Variants in SBNO1 observed in about 807,000 individuals in gnomAD.
The protein encoded by SBNO1 is strawberry notch homolog 1.
A neutral mutation model predicts 173.6 loss-of-function variants in SBNO1; 23 were observed. The ratio of observed to expected loss-of-function variants is 0.13; its 90% CI spans 0.10 to 0.19. The LOEUF (loss-of-function observed/expected upper bound fraction) is 0.19, where lower values mean the gene tolerates loss of function less well. SBNO1 is among the 10% of genes least tolerant of loss of function. The pLI is 1.00. For synonymous variants in SBNO1, 632 were observed against 571.5 expected (o/e 1.11, Z -1.51); for missense variants, 1,238 against 1,671.2 (o/e 0.74, Z 4.52).
Position 123,290,860 on chromosome 12 carries a change from C to T in SBNO1, c.*5048G>A, listed in dbSNP as rs1275422746. ...TCATGCCATTCTCCTGCCTCAGCCT[C>T]CTGAGTAGCTGGGACTACAGGCACC... On this transcript the variant is annotated 3_prime_UTR_variant, in exon 32 of 32. Coordinates refer to ENST00000602398, the MANE Select transcript of SBNO1 (RefSeq NM_001167856.3). 6.6e-6 allele frequency: 1 copy of T among 152,058 alleles called. No homozygotes were observed. Among genetic ancestry groups the T allele is most frequent in the Non-Finnish European group, 1.5e-5 (1 of 68,068 alleles). 9.4% of individuals were successfully genotyped at this position (152,058 alleles called of 1,614,324 possible).
intron 31 of SBNO1, among the ~76,000 whole-genome samples, chr12:123,296,757 C>T (rs908124958): frequency 6.6e-6 from 1 of 151,884 alleles, no homozygotes; most frequent in Non-Finnish European, 1.5e-5. Context: ...GACAGGGTTT[C>T]ACGATGTTGG....
intron 4 of SBNO1, among the ~76,000 whole-genome samples, chr12:123,344,377 C>T (rs929988227): frequency 1.1e-4 from 16 of 152,216 alleles, no homozygotes; most frequent in Middle Eastern, 3.4e-3. Context: ...AACCAAAAAA[C>T]GAAAACCAAA....
At chr12:123,359,012 A>G (rs1358912385) in intron 1 of SBNO1, among the ~76,000 whole-genome samples, 1 of 151,552 alleles carries the variant, frequency 6.6e-6, no homozygotes, top group Non-Finnish European at 1.5e-5. Context: ...GGCTCACTGG[A>G]AGCTCTGCCT....
chr12:123,322,501 T>C (rs1399335457), intron 16 of SBNO1, among the ~76,000 whole-genome samples: 2 of 152,036 alleles, frequency 1.3e-5, no homozygotes, highest in African/African-American at 2.4e-5. Flanking sequence ...TTTCGCCATG[T>C]TGGCCAGGCT....
intron 6 of SBNO1, 80 bp from the exon 7 acceptor site, chr12:123,334,293 G>C: frequency 1.2e-6 from 1 of 865,030 alleles, no homozygotes; most frequent in Non-Finnish European, 1.7e-6. Flanking sequence ...ATATTTCAAT[G>C]TTTTTCTTAT....
At position 123,320,824 on chromosome 12, in the gene SBNO1, T is replaced by C; in HGVS notation, c.2366A>G (p.Lys789Arg). The C allele has an allele frequency of 6.3e-7, 1 of 1,596,964 alleles. No individual in the cohort carries two copies. The highest frequency in any genetic ancestry group is 8.5e-7 in the Non-Finnish European group (1 of 1,173,874). The part of the protein sequence containing the change: ...IRKDHKKNKE[K>R]KKKKSIDPDS... ...TGGATCTATACTTTTCTTCTTTTTT[T>C]TCTCTTTGTTTTTCTTGTGGTCTTT... is the stretch of plus-strand genomic sequence containing the variant. The change falls in exon 18 of 32, where the codon AAA (lysine) becomes AGA (arginine). Residue 789 changes from lysine to arginine, a missense_variant. Around this residue, in one of 14 missense-constraint regions of SBNO1, gnomAD observed 33 missense variants for 29.6 expected, o/e 1.11. Coordinates refer to ENST00000602398, the MANE Select transcript of SBNO1 (RefSeq NM_001167856.3).
At chr12:123,339,553 G>A (rs1347850406) in intron 5 of SBNO1, among the ~76,000 whole-genome samples, 7 of 152,050 alleles carry the variant, frequency 4.6e-5, no homozygotes, top group Non-Finnish European at 7.4e-5. Context: ...TTGGGAGGCC[G>A]AGCTGGAGGG....
chr12:123,296,546 T>C (rs2048599354), intron 31 of SBNO1, among the ~76,000 whole-genome samples: 2 of 145,242 alleles, frequency 1.4e-5, no homozygotes, highest in Non-Finnish European at 3.0e-5. Flanking sequence ...TGCATGCATA[T>C]ATATATGTGT....
chr12:123,357,690 G>T (rs1388024393), intron 1 of SBNO1, among the ~76,000 whole-genome samples: 2 of 152,208 alleles, frequency 1.3e-5, no homozygotes, highest in African/African-American at 4.8e-5. Context: ...GGAAAGTGGA[G>T]GTTACAGTGA....
chr12:123,307,757 C>G (rs1566024640), intron 28 of SBNO1, among the ~76,000 whole-genome samples: 1 of 152,102 alleles, frequency 6.6e-6, no homozygotes, highest in Non-Finnish European at 1.5e-5. Flanking sequence ...GAGACACCAT[C>G]TCTACAAAAG....
intron 1 of SBNO1, among the ~76,000 whole-genome samples, chr12:123,357,003 T>C (rs1874536523): frequency 6.6e-6 from 1 of 152,202 alleles, no homozygotes; most frequent in Admixed American, 6.5e-5. Context: ...GACATTTAGT[T>C]TAAGAATTTT....
intron 30 of SBNO1, among the ~76,000 whole-genome samples, chr12:123,299,752 T>C (rs898076627): frequency 2.0e-5 from 3 of 149,254 alleles, no homozygotes; most frequent in South Asian, 4.3e-4. Context: ...ACTCAGGTGG[T>C]TGAGGCACGA....
At chr12:123,340,565 G>A (rs1466158941) in intron 5 of SBNO1, among the ~76,000 whole-genome samples, 1 of 107,452 alleles carries the variant, frequency 9.3e-6, no homozygotes, top group Non-Finnish European at 1.7e-5. Flanking sequence ...TGGGCGATAA[G>A]AGTAAGACTC....
In SBNO1 at chr12:123,326,192, CT is replaced by C; in HGVS notation, c.1834del (p.Arg612GlyfsTer5). ...TTCCTCTCGAGCTAGTTGCACAACC[CT>C]TTTAACTTTGGATGCTATGCATAAG... is the stretch of plus-strand genomic sequence containing the variant. ...KYLCIASKVK[R>X]VVQLAREEIK... On this transcript the variant is annotated frameshift_variant, in exon 14 of 32. Coordinates refer to ENST00000602398, the MANE Select transcript of SBNO1 (RefSeq NM_001167856.3). LOFTEE classifies it high-confidence loss of function. 6.2e-7 allele frequency: 1 copy of C among 1,612,048 alleles called. No homozygotes were observed. Among genetic ancestry groups the C allele is most frequent in the African/African-American group, 1.3e-5 (1 of 74,996 alleles).
intron 9 of SBNO1, among the ~76,000 whole-genome samples, chr12:123,329,406 A>G (rs1870935916): frequency 6.6e-6 from 1 of 150,896 alleles, no homozygotes; most frequent in African/African-American, 2.4e-5. Context: ...CAGTTTTCAA[A>G]GTCTTAAAAA....
chr12:123,346,830 C>T (rs1173800752), intron 3 of SBNO1, among the ~76,000 whole-genome samples: 3 of 152,004 alleles, frequency 2.0e-5, no homozygotes, highest in Admixed American at 6.6e-5. Flanking sequence ...GTAATCCCAG[C>T]ACTTTGGGAC....
At chr12:123,313,225 T>C (rs1868822716) in intron 24 of SBNO1, among the ~76,000 whole-genome samples, 1 of 145,152 alleles carries the variant, frequency 6.9e-6, no homozygotes, top group Non-Finnish European at 1.5e-5. Context: ...AATAAATAAA[T>C]AAATAAATAA....
At chr12:123,359,575 T>C (rs1048573851) in intron 1 of SBNO1, among the ~76,000 whole-genome samples, 9 of 150,264 alleles carry the variant, frequency 6.0e-5, no homozygotes, top group Non-Finnish European at 1.3e-4. Flanking sequence ...AAAAGATATA[T>C]ATATAGTTGT....
In SBNO1 at chr12:123,345,583, C is replaced by CA; in HGVS notation, c.238-14dup. 1.9e-6 allele frequency: 3 copies of CA among 1,596,206 alleles called. No homozygotes were observed. Among genetic ancestry groups the CA allele is most frequent in the South Asian group, 2.2e-5 (2 of 89,160 alleles). ...ATGGAGGCTGCTGCTAGATAGAAAA[C>CA]AAAAAACACACCACTGAAAAATGCT... On this transcript the variant is annotated splice_polypyrimidine_tract_variant and intron_variant, in intron 3 of 31. Coordinates refer to ENST00000602398, the MANE Select transcript of SBNO1 (RefSeq NM_001167856.3).
Sources: gnomAD v4.1 joint callset for allele counts (sites outside exome capture counted in the v4.1 genomes callset) on GRCh38, gnomAD v4.1.1 for gene constraint, gnomAD v4.1.1 regional missense constraint, MANE v1.5 for transcripts, NCBI Gene and HGNC (gene_info 2026-07-23, HGNC 2026-07-21) for gene names.